The following MCM8 variants were observed in gnomAD, a reference collection of about 807,000 sequenced individuals.
MCM8 encodes the protein DNA helicase MCM8.
In MCM8, 85 loss-of-function variants were observed where a neutral mutation model predicts 98.9. The ratio of observed to expected loss-of-function variants is 0.86; its 90% CI spans 0.72 to 1.03. The LOEUF (loss-of-function observed/expected upper bound fraction) is 1.03. Ranked by LOEUF, MCM8 falls within the 50% of genes least tolerant of loss-of-function variation. MCM8 has a pLI of 0.00. For missense variants in MCM8, 951 were observed against 997.8 expected, an observed-to-expected ratio of 0.95 and a Z score of 0.63; for synonymous variants, 352 against 338.6, an observed-to-expected ratio of 1.04 and a Z score of -0.44.
chr20:5,968,320 G>A (rs932461951), intron 10 of MCM8, among the ~76,000 whole-genome samples: 1 of 152,144 alleles, frequency 6.6e-6, no homozygotes, highest in African/African-American at 2.4e-5. Context: ...CGAGGCAGGC[G>A]GATCACTTGA....
intron 6 of MCM8, among the ~76,000 whole-genome samples, chr20:5,958,030 A>G (rs182115741): frequency 3.4e-3 from 511 of 152,188 alleles, no homozygotes; most frequent in African/African-American, 0.011. Flanking sequence ...TTCCTTGAGA[A>G]CAGCCTGTGA....
intron 17 of MCM8, among the ~76,000 whole-genome samples, chr20:5,992,090 G>A (rs561686038): frequency 6.6e-6 from 1 of 152,218 alleles, no homozygotes; most frequent in Non-Finnish European, 1.5e-5. Context: ...AACATACTAG[G>A]TAGCAGAAGA....
At position 5,984,772 on chromosome 20, in the gene MCM8, C is replaced by A; in HGVS notation, c.1734-9C>A. On this transcript the variant is annotated splice_polypyrimidine_tract_variant and intron_variant, in intron 14 of 18. Coordinates refer to ENST00000610722, the MANE Select transcript of MCM8 (RefSeq NM_032485.6). Reference sequence around the variant, plus strand: ...AATCATTGTTTCTTCTTTCTTTCATCCTTCATAGAATGGGGAGTGCACTAC... The same window carrying A: ...AATCATTGTTTCTTCTTTCTTTCATACTTCATAGAATGGGGAGTGCACTAC... 1 of 1,587,102 alleles carries A rather than the reference C, an allele frequency of 6.3e-7. No individual in the cohort carries two copies. The highest frequency in any genetic ancestry group is 8.6e-7 in the Non-Finnish European group (1 of 1,158,702).
In MCM8 at chr20:5,967,505, T is replaced by A; in HGVS notation, c.945T>A (p.Leu315=). ...GRIPRTIECE[L]VHDLVDSCVP... ...TTCCACGAACAATAGAATGTGAGCT[T>A]GTTCATGATCTTGTGGATAGCTGTG... is the stretch of plus-strand genomic sequence containing the variant. Residue 315 remains leucine (L), a synonymous_variant, in exon 9 of 19, where the codon CTT becomes CTA. Transcript: ENST00000610722. 1 of 1,614,082 alleles carries A rather than the reference T, an allele frequency of 6.2e-7. No individual in the cohort carries two copies. The highest frequency in any genetic ancestry group is 1.3e-5 in the African/African-American group (1 of 75,042).
At chr20:5,962,707 A>C (rs1214842055) in intron 7 of MCM8, among the ~76,000 whole-genome samples, 15 of 152,218 alleles carry the variant, frequency 9.9e-5, no homozygotes, top group Non-Finnish European at 1.9e-4. Context: ...CAAGGTTCTA[A>C]AAAGTCTTGA....
intron 17 of MCM8, among the ~76,000 whole-genome samples, chr20:5,988,096 G>GT (rs1018512939): frequency 2.0e-5 from 3 of 151,830 alleles, no homozygotes; most frequent in Admixed American, 6.6e-5. Flanking sequence ...ATTTTGGGTA[G>GT]TTTTTTTTAT....
In MCM8 at chr20:5,977,862, T is replaced by G; in HGVS notation, c.1396-14T>G. 2 of 1,612,052 alleles carry G rather than the reference T, an allele frequency of 1.2e-6. No individual in the cohort carries two copies. Among genetic ancestry groups the G allele is most frequent in the Non-Finnish European group, 1.7e-6 (2 of 1,178,712 alleles). The stretch of plus-strand genomic sequence containing the variant: ...TTACTTTGGATGATTCTCTTAAACT[T>G]TTTGTTTCCTTAGGCAGCGTGCAAT... On this transcript the variant is annotated splice_polypyrimidine_tract_variant and intron_variant, in intron 12 of 18. Transcript: ENST00000610722.
intron 12 of MCM8, 40 bp downstream of exon 12, chr20:5,973,236 A>G: frequency 6.2e-7 from 1 of 1,606,204 alleles, no homozygotes; most frequent in Non-Finnish European, 8.5e-7. Context: ...TTTTGCTTGT[A>G]AAATGCGTTA....
chr20:5,972,096 T>TAAA (rs1393552569), intron 11 of MCM8, 59 bp downstream of exon 11: 2 of 1,382,058 alleles, frequency 1.4e-6, no homozygotes, highest in Non-Finnish European at 2.0e-6. Flanking sequence ...AAATAACATA[T>TAAA]AAAAACTTTA....
rs150738447 is a variant in MCM8 at position 5,960,827 on chromosome 20, C to T, written c.789+2101C>T. Among the ~76,000 whole-genome samples, 1,479 of 152,210 alleles carry T rather than the reference C, an allele frequency of 9.7e-3. 15 individuals carry two copies. The highest frequency in any genetic ancestry group is 0.015 in the Non-Finnish European group (1,036 of 68,012). The stretch of plus-strand genomic sequence containing the variant: ...GCACATGCCTGTAATCCAAGCTACT[C>T]GGGAGGCTGAGGCCGGAGAATCGCT... On this transcript the variant is annotated intron_variant, in intron 7 of 18. Transcript: ENST00000610722.
In MCM8 at chr20:5,997,169, T is replaced by G. The variant is rs532914426; in HGVS notation, c.*2778T>G. On this transcript the variant is annotated 3_prime_UTR_variant, in exon 19 of 19. Coordinates refer to ENST00000610722, the MANE Select transcript of MCM8 (RefSeq NM_032485.6). ...GAAAACATTACATCATGAAAGTTTC[T>G]TTTTTTTTCTTTTTTCTTTTTTTTT... 282 of 152,718 alleles carry G rather than the reference T, an allele frequency of 1.8e-3. No homozygotes were observed. The highest frequency in any genetic ancestry group is 3.3e-3 in the Admixed American group (50 of 15,108). 9.5% of individuals were successfully genotyped at this position (152,718 alleles called of 1,614,324 possible).
intron 8 of MCM8, chr20:5,965,033 T>G (rs923217769): frequency 4.6e-5 from 7 of 152,204 alleles, no homozygotes; most frequent in African/African-American, 1.7e-4. Flanking sequence ...TCTTTTATCT[T>G]CTAGACTTTC....
At chr20:5,973,796 AG>A (rs1394575238) in intron 12 of MCM8, among the ~76,000 whole-genome samples, 1 of 152,058 alleles carries the variant, frequency 6.6e-6, no homozygotes, top group Non-Finnish European at 1.5e-5. Flanking sequence ...CTGGGATTAT[AG>A]GTGCGCACCA....
chr20:5,952,279 G>C (rs2088851645), intron 2 of MCM8, 116 bp downstream of exon 2: 1 of 1,559,926 alleles, frequency 6.4e-7, no homozygotes, highest in East Asian at 2.3e-5. Context: ...CTACTCCTTA[G>C]TAAGTATTTG....
At chr20:5,987,445 T>G in intron 17 of MCM8, 87 bp downstream of exon 17, 4 of 1,006,878 alleles carry the variant, frequency 4.0e-6, no homozygotes, top group Non-Finnish European at 5.9e-6. Context: ...CTACTTTTAT[T>G]TAGCCCATTG....
rs1187323290 is a variant in MCM8, at chr20:5,998,320, G to C, written c.*3929G>C. On this transcript the variant is annotated 3_prime_UTR_variant, in exon 19 of 19. Transcript: ENST00000610722. ...GACTCCCTTTGCAGGTAGATTTCCA[G>C]ATGTGAATTGGGTTCCACTGATCAG... 1 of 152,204 alleles carries C rather than the reference G, an allele frequency of 6.6e-6. No individual in the cohort carries two copies. The highest frequency in any genetic ancestry group is 2.4e-5 in the African/African-American group (1 of 41,450). 9.4% of individuals were successfully genotyped at this position (152,204 alleles called of 1,614,324 possible). A position where few individuals can be genotyped will look rare whatever the true frequency, so the allele number is the denominator to read the frequency against.
At chr20:5,970,982 AT>A (rs796630923) in intron 10 of MCM8, among the ~76,000 whole-genome samples, 46 of 147,786 alleles carry the variant, frequency 3.1e-4, no homozygotes, top group African/African-American at 8.4e-4. Flanking sequence ...CTAATTTTTA[AT>A]TTTTTTTTTT....
chr20:5,988,150 C>T (rs1034970476), intron 17 of MCM8, among the ~76,000 whole-genome samples: 2 of 151,734 alleles, frequency 1.3e-5, no homozygotes, highest in South Asian at 4.2e-4. Flanking sequence ...CTTTCATAAG[C>T]TTCAAAATTC....
intron 2 of MCM8, 77 bp from the exon 3 acceptor site, chr20:5,952,347 A>G: frequency 6.4e-7 from 1 of 1,572,904 alleles, no homozygotes; most frequent in East Asian, 2.2e-5. Flanking sequence ...TATTAATGAG[A>G]GTCTCATTTG....
Sources: allele counts gnomAD v4.1 joint callset (sites outside exome capture counted in the v4.1 genomes callset), GRCh38; gene constraint gnomAD v4.1.1; transcripts MANE v1.5; gene names NCBI Gene and HGNC (gene_info 2026-07-23, HGNC 2026-07-21).